SMC4: variants seen among roughly 807,000 people sequenced by gnomAD.
SMC4 encodes the protein structural maintenance of chromosomes 4.
Under a neutral mutation model 145.6 loss-of-function variants are expected in SMC4, and 87 were observed. That is an observed-to-expected ratio of 0.60 (90% CI 0.50 to 0.71). SMC4 has a LOEUF of 0.71. Among genes scored for constraint, SMC4 ranks in the 30% least tolerant of loss-of-function variants. SMC4 has a pLI of 0.00. For missense variants in SMC4, 1,447 were observed against 1,537.1 expected (o/e 0.94, Z 0.98); for synonymous variants, 558 against 500.7 (o/e 1.11, Z -1.53).
At chr3:160,425,682 T>C (rs1376251528) in intron 16 of SMC4, among the ~76,000 whole-genome samples, 1 of 152,236 alleles carries the variant, frequency 6.6e-6, no homozygotes, top group African/African-American at 2.4e-5. Flanking sequence ...AGTTATTTCC[T>C]TAGATTTCAA....
Position 160,424,950 on chromosome 3 carries a change from A to C in SMC4, c.2409A>C (p.Arg803Ser). Residue 803 changes from arginine (R) to serine (S), a missense_variant, in exon 16 of 24, where the codon AGA becomes AGC. Physicochemically the swap from Arg to Ser is moderately radical, Grantham distance 110. Transcript: ENST00000357388. The part of the protein sequence containing the change: ...IQEQKVQLEE[R>S]VVKLRHSERE... The stretch of plus-strand genomic sequence containing the variant: ...AACAGAAAGTACAACTTGAAGAAAG[A>C]GTAGTTAAGTTACGGCATAGTGAAC... The C allele has an allele frequency of 2.5e-6, 4 of 1,614,036 alleles. No individual in the cohort carries two copies. The highest frequency in any genetic ancestry group is 3.4e-6 in the Non-Finnish European group (4 of 1,180,000).
intron 8 of SMC4, 108 bp downstream of exon 8, chr3:160,413,721 A>C: frequency 1.5e-6 from 1 of 672,458 alleles, no homozygotes. Context: ...ATTTGCCAGC[A>C]TATCAAGTGG....
chr3:160,401,790 A>G (rs564680246), intron 2 of SMC4, 125 bp from the exon 3 acceptor site: 7 of 706,278 alleles, frequency 9.9e-6, no homozygotes, highest in South Asian at 3.9e-5. Context: ...CCTAAGTTTC[A>G]TAAATAACAT....
chr3:160,414,064 C>T (rs529563683), intron 8 of SMC4: 47 of 422,400 alleles, frequency 1.1e-4, no homozygotes, highest in African/African-American at 7.8e-4. Flanking sequence ...TAAGTATATT[C>T]GTAAAAGGTA....
At position 160,414,415 on chromosome 3, in the gene SMC4, T is replaced by A; in HGVS notation, c.1170T>A (p.Phe390Leu). 1.9e-6 allele frequency: 3 copies of A among 1,609,548 alleles called. No individual in the cohort carries two copies. The highest frequency in any genetic ancestry group is 2.5e-6 in the Non-Finnish European group (3 of 1,177,826). The change falls in exon 9 of 24, where the codon TTT becomes TTA. Residue 390 changes from phenylalanine to leucine, a missense_variant. Transcript: ENST00000357388. ...TKFIEENKEK[F>L]TQLDLEDVQV... Reference sequence around the variant, plus strand: ...TTATTGAGGAGAATAAAGAAAAATTTACACAGCTAGATTTGGAAGATGTTC... The same window carrying A: ...TTATTGAGGAGAATAAAGAAAAATTAACACAGCTAGATTTGGAAGATGTTC...
At chr3:160,432,249 T>A (rs2108506813) in intron 21 of SMC4, 34 bp from the exon 22 acceptor site, 3 of 1,404,672 alleles carry the variant, frequency 2.1e-6, no homozygotes, top group Non-Finnish European at 3.0e-6. Context: ...CAAATTTATC[T>A]GAATAGATTT....
chr3:160,426,269 GA>G, intron 17 of SMC4, 69 bp downstream of exon 17: 1 of 1,123,596 alleles, frequency 8.9e-7, no homozygotes, highest in Non-Finnish European at 1.3e-6. Context: ...CAATATTTAA[GA>G]AGCAGTAGAA....
At chr3:160,423,366 T>TGTG in intron 13 of SMC4, 59 bp from the exon 14 acceptor site, 1 of 998,578 alleles carries the variant, frequency 1.0e-6, no homozygotes. Context: ...TTTGTTTTTT[T>TGTG]TTTTGAGTTT....
intron 23 of SMC4, 114 bp downstream of exon 23, chr3:160,433,323 C>T: frequency 1.4e-6 from 1 of 691,620 alleles, no homozygotes. Context: ...TCTAATAACT[C>T]CATCTCCATC....
intron 9 of SMC4, among the ~76,000 whole-genome samples, chr3:160,415,093 C>G (rs1419624948): frequency 1.3e-5 from 2 of 152,156 alleles, no homozygotes; most frequent in Non-Finnish European, 2.9e-5. Flanking sequence ...CAATGTTGGC[C>G]AGGCACAATG....
chr3:160,423,291 T>TA, intron 13 of SMC4, 134 bp from the exon 14 acceptor site: 1 of 678,148 alleles, frequency 1.5e-6, no homozygotes, highest in Non-Finnish European at 2.4e-6. Context: ...CGTTTAGGTC[T>TA]AATTTTAGAA....
In SMC4 at chr3:160,433,221, T is replaced by C. The variant is rs1718600519; in HGVS notation, c.3714+12T>C. On this transcript the variant is annotated intron_variant, in intron 23 of 23. Transcript: ENST00000357388. The stretch of plus-strand genomic sequence containing the variant: ...CATTTTATATATATGTAAGTAATCA[T>C]TTTGGGATTTTCATTCCAGAAACTT... 1.3e-6 allele frequency: 2 copies of C among 1,585,326 alleles called. 1 individual carries two copies. The highest frequency in any genetic ancestry group is 3.4e-4 in the Middle Eastern group (2 of 5,950).
At chr3:160,430,994 T>C in intron 19 of SMC4, 38 bp from the exon 20 acceptor site, 1 of 1,564,904 alleles carries the variant, frequency 6.4e-7, no homozygotes, top group Non-Finnish European at 8.6e-7. Context: ...ATGGCTCTAT[T>C]TGGAAAATTC....
Position 160,431,026 on chromosome 3 carries a change from G to T in SMC4, c.2941-6G>T, listed in dbSNP as rs753284716. 1 of 1,592,742 alleles carries T rather than the reference G, an allele frequency of 6.3e-7. No homozygotes were observed. The highest frequency in any genetic ancestry group is 2.3e-5 in the East Asian group (1 of 44,240). On this transcript the variant is annotated splice_region_variant and splice_polypyrimidine_tract_variant and intron_variant, in intron 19 of 23. Coordinates refer to ENST00000357388, the MANE Select transcript of SMC4 (RefSeq NM_001002800.3). ...ATTCTATCTAGCAGTTCTTTTCGGT[G>T]TTTAGGAATCCTTACCAGAGATCCA...
intron 18 of SMC4, among the ~76,000 whole-genome samples, chr3:160,430,215 T>C (rs1718245831): frequency 1.2e-5 from 1 of 80,348 alleles, no homozygotes; most frequent in African/African-American, 5.0e-5. Flanking sequence ...GTCTTGCTTT[T>C]TTGGAAGTAC....
At chr3:160,412,504 A>G in intron 7 of SMC4, 51 bp downstream of exon 7, 1 of 1,530,232 alleles carries the variant, frequency 6.5e-7, no homozygotes, top group Non-Finnish European at 8.8e-7. Flanking sequence ...TTTAACCATT[A>G]AGTCAAAGCC....
At chr3:160,401,377 G>C (rs1317260010) in intron 2 of SMC4, among the ~76,000 whole-genome samples, 1 of 152,110 alleles carries the variant, frequency 6.6e-6, no homozygotes, top group Non-Finnish European at 1.5e-5. Context: ...TCACCTCCGT[G>C]GTGTTAGATT....
intron 2 of SMC4, 48 bp from the exon 3 acceptor site, chr3:160,401,866 CT>C: frequency 6.7e-7 from 1 of 1,487,242 alleles, no homozygotes; most frequent in Non-Finnish European, 9.1e-7. Flanking sequence ...CTAATGTAGG[CT>C]TTTCCCCCGC....
chr3:160,424,064 A>C (rs930971984), intron 15 of SMC4, among the ~76,000 whole-genome samples: 2 of 152,208 alleles, frequency 1.3e-5, no homozygotes, highest in Non-Finnish European at 2.9e-5. Flanking sequence ...CTTTTTAATT[A>C]GTACATTTGG....
Sources: gnomAD v4.1 joint callset for allele counts (sites outside exome capture counted in the v4.1 genomes callset) on GRCh38, gnomAD v4.1.1 for gene constraint, MANE v1.5 for transcripts, NCBI Gene and HGNC (gene_info 2026-07-23, HGNC 2026-07-21) for gene names.